EPHA7: variants seen among roughly 807,000 people sequenced by gnomAD.
The protein encoded by EPHA7 is ephrin type-A receptor 7.
EPHA7 carries 25 observed loss-of-function variants against 112.6 expected under a neutral mutation model. The observed-to-expected ratio is 0.22, with a 90% confidence interval of 0.16 to 0.31. EPHA7 has a LOEUF of 0.31. Among genes scored for constraint, EPHA7 ranks in the 10% least tolerant of loss-of-function variants. The pLI is 1.00. For synonymous variants in EPHA7, 437 were observed against 406.5 expected (o/e 1.07, Z -0.90); for missense variants, 962 against 1,212.6 (o/e 0.79, Z 3.07).
intron 3 of EPHA7, among the ~76,000 whole-genome samples, chr6:93,395,725 G>T (rs1458117168): frequency 1.3e-5 from 2 of 151,638 alleles, no homozygotes; most frequent in Non-Finnish European, 1.5e-5. Flanking sequence ...TTTACACTTG[G>T]CTGAGAATCG....
Position 93,240,462 on chromosome 6 carries a change from G to A in EPHA7, c.*2964C>T, listed in dbSNP as rs571916669. On this transcript the variant is annotated 3_prime_UTR_variant, in exon 17 of 17. Coordinates refer to ENST00000369303, the MANE Select transcript of EPHA7 (RefSeq NM_004440.4). ...GTACTAGCTAATGTAGATTACATAA[G>A]TATACAATATGATTCAACTAATAGT... is the stretch of plus-strand genomic sequence containing the variant. 1.7e-4 allele frequency: 37 copies of A among 218,194 alleles called. No homozygotes were observed. Among genetic ancestry groups the A allele is most frequent in the Non-Finnish European group, 2.7e-4 (29 of 108,710 alleles). The allele number at this position is 218,194 out of a possible 1,614,324, so 13.5% of individuals were successfully genotyped here.
chr6:93,314,988 G>C (rs1416489118), intron 5 of EPHA7, among the ~76,000 whole-genome samples: 2 of 143,868 alleles, frequency 1.4e-5, no homozygotes, highest in Non-Finnish European at 3.0e-5. Flanking sequence ...TCAGCCTCCC[G>C]AGTAGCTGGG....
rs759240447 is a variant in EPHA7 at position 93,311,290 on chromosome 6, A to G, written c.1325-38868T>C. Among the ~76,000 whole-genome samples, 7 of 151,836 alleles carry G rather than the reference A, an allele frequency of 4.6e-5. 1 individual carries two copies. Among genetic ancestry groups the G allele is most frequent in the Non-Finnish European group, 8.8e-5 (6 of 67,968 alleles). On this transcript the variant is annotated intron_variant, in intron 5 of 16. Transcript: ENST00000369303. ...TTTGATAACAATTTACCCACAGCAG[A>G]AGTTCTTTCAAAATTAAAGTCAACC...
chr6:93,260,664 G>A (rs1240307926), intron 9 of EPHA7: 4 of 976,130 alleles, frequency 4.1e-6, no homozygotes, highest in Non-Finnish European at 4.9e-6. Context: ...AAAGGAAAAT[G>A]GGATTTAAAA....
chr6:93,313,539 C>T (rs750911278), intron 5 of EPHA7, among the ~76,000 whole-genome samples: 1 of 151,640 alleles, frequency 6.6e-6, no homozygotes, highest in Non-Finnish European at 1.5e-5. Context: ...GCAAAATATC[C>T]TTATTTGGTA....
At chr6:93,400,119 A>G (rs1778368509) in intron 3 of EPHA7, among the ~76,000 whole-genome samples, 1 of 152,070 alleles carries the variant, frequency 6.6e-6, no homozygotes, top group African/African-American at 2.4e-5. Flanking sequence ...ATGTCAACTA[A>G]AATAGGGACA....
At chr6:93,265,901 T>C (rs1198561951) in intron 7 of EPHA7, among the ~76,000 whole-genome samples, 1 of 151,670 alleles carries the variant, frequency 6.6e-6, no homozygotes, top group Non-Finnish European at 1.5e-5. Flanking sequence ...CTCTAGTTTG[T>C]CTGTCTCCTT....
intron 3 of EPHA7, among the ~76,000 whole-genome samples, chr6:93,376,938 A>C (rs910382929): frequency 6.6e-6 from 1 of 152,218 alleles, no homozygotes; most frequent in African/African-American, 2.4e-5. Flanking sequence ...ATCTGAAAGT[A>C]ATCACCTTGA....
At chr6:93,374,139 T>C (rs768391994) in intron 3 of EPHA7, among the ~76,000 whole-genome samples, 1 of 152,144 alleles carries the variant, frequency 6.6e-6, no homozygotes. Context: ...GATAGTTCTA[T>C]GAAGGAGTAC....
chr6:93,328,990 A>G (rs535826210), intron 5 of EPHA7, among the ~76,000 whole-genome samples: 108 of 151,642 alleles, frequency 7.1e-4, no homozygotes, highest in African/African-American at 2.6e-3. Context: ...ACTGCATTAT[A>G]AAAATCCATA....
intron 3 of EPHA7, among the ~76,000 whole-genome samples, chr6:93,384,929 A>G (rs940394036): frequency 7.9e-5 from 12 of 152,206 alleles, no homozygotes; most frequent in Non-Finnish European, 1.6e-4. Context: ...GGAATATGAA[A>G]TAACAGACCA....
intron 3 of EPHA7, among the ~76,000 whole-genome samples, chr6:93,364,913 T>C (rs1021065711): frequency 6.6e-6 from 1 of 152,174 alleles, no homozygotes; most frequent in Non-Finnish European, 1.5e-5. Context: ...AAAAACAGTC[T>C]TACCAAAACC....
At chr6:93,271,590 TC>T (rs1311587885) in intron 6 of EPHA7, among the ~76,000 whole-genome samples, 1 of 151,896 alleles carries the variant, frequency 6.6e-6, no homozygotes, top group Non-Finnish European at 1.5e-5. Flanking sequence ...AAACATTTTC[TC>T]TCTCTTTCCA....
chr6:93,391,330 C>A (rs1037886849), intron 3 of EPHA7, among the ~76,000 whole-genome samples: 1 of 151,954 alleles, frequency 6.6e-6, no homozygotes, highest in East Asian at 1.9e-4. Context: ...TATGGTATCA[C>A]CATCTAAGAA....
intron 5 of EPHA7, among the ~76,000 whole-genome samples, chr6:93,284,678 A>G (rs759269952): frequency 4.6e-5 from 7 of 152,154 alleles, no homozygotes; most frequent in Non-Finnish European, 1.0e-4. Context: ...AAAAAAGGAT[A>G]GGTTCATGTC....
intron 1 of EPHA7, among the ~76,000 whole-genome samples, chr6:93,416,793 G>T (rs1286437474): frequency 6.6e-6 from 1 of 152,050 alleles, no homozygotes. Context: ...CAGGTGATGG[G>T]AGAGGGGCTA....
intron 5 of EPHA7, among the ~76,000 whole-genome samples, chr6:93,323,109 A>T (rs1346941661): frequency 6.6e-6 from 1 of 151,690 alleles, no homozygotes; most frequent in East Asian, 1.9e-4. Flanking sequence ...CATAACATAG[A>T]ATTTTTTGAT....
Position 93,407,634 on chromosome 6 carries a change from C to T in EPHA7, c.832+2867G>A, listed in dbSNP as rs1016277940. On this transcript the variant is annotated intron_variant, in intron 3 of 16. Transcript: ENST00000369303. ...TAAGGCAGCATCTTGCCTCCTTTAA[C>T]CGTGTATTTTTATTTTTAATTAAAT... 2.0e-5 allele frequency among the ~76,000 whole-genome samples: 3 copies of T among 152,096 alleles called. No homozygotes were observed. The East Asian group carries it at 5.8e-4, about 29-fold the overall frequency.
chr6:93,361,711 C>A (rs1248496233), intron 3 of EPHA7, among the ~76,000 whole-genome samples: 1 of 152,052 alleles, frequency 6.6e-6, no homozygotes, highest in African/African-American at 2.4e-5. Context: ...TCCCTTCATA[C>A]ATAATTATGT....
Sources: gnomAD v4.1 joint callset for allele counts (sites outside exome capture counted in the v4.1 genomes callset) on GRCh38, gnomAD v4.1.1 for gene constraint, MANE v1.5 for transcripts, NCBI Gene and HGNC (gene_info 2026-07-23, HGNC 2026-07-21) for gene names.